The following WWOX variants were observed in gnomAD, a reference collection of about 807,000 sequenced individuals.
WWOX encodes WW domain containing oxidoreductase, also known as WW domain-containing oxidoreductase.
WWOX carries 69 observed loss-of-function variants against 46.2 expected under a neutral mutation model. That is an observed-to-expected ratio of 1.49 (90% confidence interval 1.23 to 1.82). WWOX has a LOEUF of 1.82. Among genes scored for constraint, WWOX ranks in the 40% most tolerant of loss-of-function variants. WWOX has a pLI of 0.00. For synonymous variants in WWOX, 359 were observed against 202.6 expected, an observed-to-expected ratio of 1.77 and a Z score of -6.56; for missense variants, 919 against 542.6, an observed-to-expected ratio of 1.69 and a Z score of -6.89.
At chr16:78,360,149 C>A (rs1036549581) in intron 5 of WWOX, among the ~76,000 whole-genome samples, 10 of 152,160 alleles carry the variant, frequency 6.6e-5, no homozygotes, top group Non-Finnish European at 1.2e-4. Flanking sequence ...CACTATTCCC[C>A]CATCAACAAT....
chr16:78,362,608 AC>A (rs1344502115), intron 5 of WWOX, among the ~76,000 whole-genome samples: 1 of 151,070 alleles, frequency 6.6e-6, no homozygotes, highest in Non-Finnish European at 1.5e-5. Flanking sequence ...GACTCTATCT[AC>A]CCCCCACCCT....
intron 8 of WWOX, among the ~76,000 whole-genome samples, chr16:78,810,284 T>G (rs1453083048): frequency 2.0e-5 from 3 of 152,210 alleles, no homozygotes; most frequent in African/African-American, 7.2e-5. Context: ...CTGGATCTGT[T>G]AAATGGCAGC....
intron 8 of WWOX, among the ~76,000 whole-genome samples, chr16:78,518,902 G>A (rs1010730373): frequency 2.0e-5 from 3 of 152,180 alleles, no homozygotes; most frequent in African/African-American, 7.2e-5. Context: ...TGGTACTCAC[G>A]GGTGTTATGG....
intron 5 of WWOX, among the ~76,000 whole-genome samples, chr16:78,260,422 T>C (rs1228643942): frequency 6.6e-6 from 1 of 151,494 alleles, no homozygotes; most frequent in Non-Finnish European, 1.5e-5. Flanking sequence ...CCCAGCACTT[T>C]GGGAGGCCAA....
intron 8 of WWOX, among the ~76,000 whole-genome samples, chr16:78,466,504 A>T (rs1254126511): frequency 6.6e-6 from 1 of 152,186 alleles, no homozygotes; most frequent in Non-Finnish European, 1.5e-5. Context: ...ATATTTTGAT[A>T]CATGTGGCAT....
intron 8 of WWOX, among the ~76,000 whole-genome samples, chr16:78,734,385 C>G (rs1200414981): frequency 6.6e-6 from 1 of 152,156 alleles, no homozygotes; most frequent in Non-Finnish European, 1.5e-5. Flanking sequence ...CCCCTAACAC[C>G]TTCCCTATGA....
intron 5 of WWOX, among the ~76,000 whole-genome samples, chr16:78,200,518 T>A (rs1027569468): frequency 5.3e-5 from 8 of 150,696 alleles, no homozygotes; most frequent in African/African-American, 1.9e-4. Flanking sequence ...TAGTAGAGCA[T>A]CCATTACACC....
Position 78,110,128 on chromosome 16 carries a change from T to C in WWOX, c.230+293T>C, listed in dbSNP as rs141507759. On this transcript the variant is annotated intron_variant, in intron 3 of 8. Coordinates refer to ENST00000566780, the MANE Select transcript of WWOX (RefSeq NM_016373.4). ...AGGTCGAAGTGGGTGGATCCTGAGG[T>C]CAAGAGATCGAGACCATTCTGGCCA... Among the ~76,000 whole-genome samples the C allele has an allele frequency of 7.4e-3, 1,128 of 151,588 alleles. 7 individuals carry two copies. The highest frequency in any genetic ancestry group is 0.013 in the South Asian group (64 of 4,788).
At chr16:78,856,589 G>C (rs2052572400) in intron 8 of WWOX, among the ~76,000 whole-genome samples, 1 of 152,140 alleles carries the variant, frequency 6.6e-6, no homozygotes, top group African/African-American at 2.4e-5. Flanking sequence ...ATTGCAGTGA[G>C]CCCAGATCAT....
intron 7 of WWOX, among the ~76,000 whole-genome samples, chr16:78,429,267 A>G (rs1014525925): frequency 2.6e-5 from 4 of 152,220 alleles, no homozygotes; most frequent in African/African-American, 4.8e-5. Flanking sequence ...CTTTTCACCA[A>G]TCTTGGAAGG....
chr16:78,175,463 G>A lies in WWOX; in HGVS notation c.516+11174G>A, dbSNP rs544335075. On this transcript the variant is annotated intron_variant, in intron 5 of 8. Transcript: ENST00000566780. ...AATAGAATTTGGCAGAAATGGCCGG[G>A]TATGACTCCTGAGGTAGGTCCTAAA... is the stretch of plus-strand genomic sequence containing the variant. Among the ~76,000 whole-genome samples, 73 of 152,312 alleles carry A rather than the reference G, an allele frequency of 4.8e-4. No individual in the cohort carries two copies. In the South Asian group the frequency reaches 6.6e-3, roughly 14 times the overall value.
intron 5 of WWOX, among the ~76,000 whole-genome samples, chr16:78,383,716 C>CTT (rs2082003006): frequency 6.6e-6 from 1 of 152,176 alleles, no homozygotes; most frequent in Non-Finnish European, 1.5e-5. Context: ...ATCCCCTGGA[C>CTT]TTACTGTATT....
At chr16:78,531,217 T>A (rs942660680) in intron 8 of WWOX, among the ~76,000 whole-genome samples, 1 of 152,200 alleles carries the variant, frequency 6.6e-6, no homozygotes, top group African/African-American at 2.4e-5. Flanking sequence ...ATGCAGACTC[T>A]TACATTCAGT....
intron 8 of WWOX, among the ~76,000 whole-genome samples, chr16:78,971,701 T>C (rs1597222469): frequency 6.6e-6 from 1 of 152,228 alleles, no homozygotes; most frequent in East Asian, 1.9e-4. Flanking sequence ...GTCATGTCTC[T>C]GATAAATCGC....
chr16:78,920,365 G>A (rs2045350924), intron 8 of WWOX, among the ~76,000 whole-genome samples: 1 of 152,176 alleles, frequency 6.6e-6, no homozygotes, highest in South Asian at 2.1e-4. Context: ...TCTCCCATGG[G>A]TGCAGATGTG....
chr16:79,082,101 A>G (rs2048771137), intron 8 of WWOX, among the ~76,000 whole-genome samples: 1 of 152,200 alleles, frequency 6.6e-6, no homozygotes, highest in South Asian at 2.1e-4. Context: ...CATCAACTAC[A>G]TCCTTGAGCC....
intron 8 of WWOX, among the ~76,000 whole-genome samples, chr16:79,078,819 A>G (rs999999069): frequency 2.0e-5 from 3 of 152,222 alleles, no homozygotes; most frequent in African/African-American, 7.2e-5. Context: ...AATGAGACCT[A>G]TCCCTAACGG....
intron 8 of WWOX, among the ~76,000 whole-genome samples, chr16:78,917,788 A>C (rs557366744): frequency 1.3e-5 from 2 of 152,296 alleles, no homozygotes; most frequent in Admixed American, 1.3e-4. Context: ...GCTAGTTTTT[A>C]AAGTTTGAGA....
At chr16:78,814,360 A>G (rs1206553916) in intron 8 of WWOX, among the ~76,000 whole-genome samples, 2 of 152,056 alleles carry the variant, frequency 1.3e-5, no homozygotes, top group Non-Finnish European at 2.9e-5. Context: ...TTCTATATTA[A>G]TTCAAATCAT....
Sources: allele counts gnomAD v4.1 joint callset (sites outside exome capture counted in the v4.1 genomes callset), GRCh38; gene constraint gnomAD v4.1.1; transcripts MANE v1.5; gene names NCBI Gene and HGNC (gene_info 2026-07-23, HGNC 2026-07-21).